The following BBS9 variants were observed in gnomAD, a reference collection of about 807,000 sequenced individuals.
BBS9 encodes the protein protein PTHB1.
BBS9 carries 89 observed loss-of-function variants against 117.7 expected under a neutral mutation model. The ratio of observed to expected loss-of-function variants is 0.76; its 90% confidence interval spans 0.64 to 0.90. The LOEUF (loss-of-function observed/expected upper bound fraction) is 0.90. Ranked by LOEUF, BBS9 falls within the 40% of genes least tolerant of loss-of-function variation. The probability of loss-of-function intolerance (pLI) is 0.00; values close to 1 mark genes in which losing one functional copy is unlikely to be tolerated. For synonymous variants in BBS9, 379 were observed against 370.9 expected, an observed-to-expected ratio of 1.02 and a Z score of -0.25; for missense variants, 982 against 1,042.2, an observed-to-expected ratio of 0.94 and a Z score of 0.80.
intron 9 of BBS9, among the ~76,000 whole-genome samples, chr7:33,316,023 T>C (rs1248137032): frequency 6.6e-6 from 1 of 152,140 alleles, no homozygotes; most frequent in African/African-American, 2.4e-5. Context: ...TTTTGACAAA[T>C]GGTTGTATCT....
chr7:33,406,549 G>C (rs1830031749), intron 19 of BBS9, among the ~76,000 whole-genome samples: 1 of 151,986 alleles, frequency 6.6e-6, no homozygotes. Flanking sequence ...TTACATTTTG[G>C]CATGATTTTG....
Position 33,155,769 on chromosome 7 carries a change from A to G in BBS9, c.328+67A>G, listed in dbSNP as rs1450937048. The G allele has an allele frequency of 6.5e-6, 6 of 922,752 alleles. 1 individual carries two copies. The African/African-American group carries it at 6.5e-5, about 10-fold the overall frequency. 57.2% of individuals were successfully genotyped at this position (922,752 alleles called of 1,614,324 possible). On this transcript the variant is annotated intron_variant, in intron 4 of 22. Transcript: ENST00000242067. The stretch of plus-strand genomic sequence containing the variant: ...TGGGCTTAATGTTATATGAGAATAG[A>G]TATTCCCTAGTGCTGACTTGGTAGA...
In BBS9 at chr7:33,177,621, T is replaced by C. The variant is rs369955057; in HGVS notation, c.442+30T>C. 2,194 of 1,395,356 alleles carry C rather than the reference T, an allele frequency of 1.6e-3. 14 individuals carry two copies. Among genetic ancestry groups the C allele is most frequent in the Middle Eastern group, 5.4e-3 (30 of 5,536 alleles). 86.4% of individuals were successfully genotyped at this position (1,395,356 alleles called of 1,614,324 possible). Reference sequence around the variant, plus strand: ...TTTGCTTTTAATCATGAGTATGCTATTTCAAGTGACAGATTTAGAATATTT... The same window carrying C: ...TTTGCTTTTAATCATGAGTATGCTACTTCAAGTGACAGATTTAGAATATTT... On this transcript the variant is annotated intron_variant, in intron 5 of 22. Transcript: ENST00000242067.
At position 33,383,457 on chromosome 7, in the gene BBS9, C is replaced by T. The variant is rs535914583; in HGVS notation, c.1790-209C>T. ...CTTTACACTTTGCCACTGTGACCAC[C>T]TACCTTTGGAATTAGATTTGAAAGT... On this transcript the variant is annotated intron_variant, in intron 17 of 22. Coordinates refer to ENST00000242067, the MANE Select transcript of BBS9 (RefSeq NM_198428.3). Among the ~76,000 whole-genome samples the T allele has an allele frequency of 2.6e-5, 4 of 152,266 alleles. No individual in the cohort carries two copies. The South Asian group carries it at 8.3e-4, about 32-fold the overall frequency.
intron 13 of BBS9, 82 bp downstream of exon 13, chr7:33,349,252 T>G (rs1250169314): frequency 2.1e-6 from 2 of 969,898 alleles, no homozygotes; most frequent in Non-Finnish European, 3.3e-6. Flanking sequence ...TGGCTATTAT[T>G]TCATGTCTGA....
intron 21 of BBS9, among the ~76,000 whole-genome samples, chr7:33,564,915 A>G (rs1352634803): frequency 6.6e-6 from 1 of 152,206 alleles, no homozygotes; most frequent in African/African-American, 2.4e-5. Flanking sequence ...CCCTGGCTGT[A>G]GAACTGCAGT....
At chr7:33,256,205 A>G (rs1404376258) in intron 5 of BBS9, among the ~76,000 whole-genome samples, 1 of 152,126 alleles carries the variant, frequency 6.6e-6, no homozygotes. Flanking sequence ...ACAAAAACAA[A>G]GCTTAAAACA....
In BBS9 at chr7:33,425,503, C is replaced by T. The variant is rs1212956753; in HGVS notation, c.2115+37359C>T. On this transcript the variant is annotated intron_variant, in intron 19 of 22. Coordinates refer to ENST00000242067, the MANE Select transcript of BBS9 (RefSeq NM_198428.3). The stretch of plus-strand genomic sequence containing the variant: ...CTGTATTTCCTAATGCTCTCCCTCC[C>T]CCACAGCCCCCTCCAGAGGCCCCAG... Among the ~76,000 whole-genome samples the T allele has an allele frequency of 2.0e-5, 3 of 152,284 alleles. No homozygotes were observed. The East Asian group carries it at 5.8e-4, about 29-fold the overall frequency.
downstream of BBS9, among the ~76,000 whole-genome samples, chr7:33,606,855 G>A (rs774615450): frequency 3.3e-4 from 50 of 151,972 alleles, no homozygotes; most frequent in South Asian, 6.2e-4. Context: ...TATTCTCCTC[G>A]TTTTTGTCTT....
chr7:33,198,334 T>C (rs1785267057), intron 5 of BBS9, among the ~76,000 whole-genome samples: 1 of 152,032 alleles, frequency 6.6e-6, no homozygotes, highest in African/African-American at 2.4e-5. Context: ...TTAAGTCCTA[T>C]ATAGTTCATT....
At chr7:33,353,659 T>C (rs1382918267) in intron 15 of BBS9, among the ~76,000 whole-genome samples, 3 of 152,044 alleles carry the variant, frequency 2.0e-5, no homozygotes, top group African/African-American at 7.2e-5. Flanking sequence ...TTAAGATACA[T>C]TTTAGATAGC....
At chr7:33,193,663 G>A (rs564826166) in intron 5 of BBS9, among the ~76,000 whole-genome samples, 14 of 152,102 alleles carry the variant, frequency 9.2e-5, no homozygotes, top group Non-Finnish European at 1.9e-4. Context: ...CTATCTAGGG[G>A]CAGTGGAGAA....
In BBS9 at chr7:33,371,788, T is replaced by C. The variant is rs535083800; in HGVS notation, c.1789+3926T>C. Among the ~76,000 whole-genome samples the C allele has an allele frequency of 2.0e-5, 3 of 152,244 alleles. No individual in the cohort carries two copies. The East Asian group carries it at 5.8e-4, about 29-fold the overall frequency. On this transcript the variant is annotated intron_variant, in intron 17 of 22. Coordinates refer to ENST00000242067, the MANE Select transcript of BBS9 (RefSeq NM_198428.3). ...CATGAGGGAAATAGGCATTGTGGAA[T>C]TTCCATCTAGAGTTTGAGATCCTAC...
In BBS9 at chr7:33,544,360, C is replaced by T. The variant is rs139783445; in HGVS notation, c.2521+10184C>T. Among the ~76,000 whole-genome samples, 987 of 152,256 alleles carry T rather than the reference C, an allele frequency of 6.5e-3. 11 individuals carry two copies. Among genetic ancestry groups the T allele is most frequent in the African/African-American group, 0.023 (939 of 41,548 alleles). On this transcript the variant is annotated intron_variant, in intron 21 of 22. Transcript: ENST00000242067. ...AGGTCTATGGCTGAAAGCTGTTGTT[C>T]AGATTCTTTTGTCCCATGGGGTGTT... is the stretch of plus-strand genomic sequence containing the variant.
chr7:33,478,758 T>C (rs1842127551), intron 19 of BBS9, among the ~76,000 whole-genome samples: 1 of 152,084 alleles, frequency 6.6e-6, no homozygotes, highest in African/African-American at 2.4e-5. Context: ...TAGAGCCAGA[T>C]ATTTTATTTT....
chr7:33,485,113 G>T (rs1255513395), intron 19 of BBS9, among the ~76,000 whole-genome samples: 1 of 152,072 alleles, frequency 6.6e-6, no homozygotes, highest in African/African-American at 2.4e-5. Context: ...TGGACACATT[G>T]TTGGGGGGCA....
intron 21 of BBS9, among the ~76,000 whole-genome samples, chr7:33,555,318 A>C (rs1855125530): frequency 6.6e-6 from 1 of 152,134 alleles, no homozygotes; most frequent in African/African-American, 2.4e-5. Flanking sequence ...ACTTAACTAC[A>C]TTTAGGTCAA....
intron 5 of BBS9, among the ~76,000 whole-genome samples, chr7:33,231,434 T>TTTTC (rs1222298167): frequency 6.6e-6 from 1 of 150,606 alleles, no homozygotes; most frequent in Non-Finnish European, 1.5e-5. Flanking sequence ...GTGTCTTTTT[T>TTTTC]TTTTTTTTTT....
Position 33,130,707 on chromosome 7 carries a change from G to T in BBS9, c.-12+666G>T, listed in dbSNP as rs971497506. On this transcript the variant is annotated intron_variant, in intron 1 of 22. Coordinates refer to ENST00000242067, the MANE Select transcript of BBS9 (RefSeq NM_198428.3). ...ATTTTATAAAGAAAACAATTACTGA[G>T]ATTTTTTTCATGAATATACGGAAGA... is the stretch of plus-strand genomic sequence containing the variant. 3.3e-5 allele frequency among the ~76,000 whole-genome samples: 5 copies of T among 151,818 alleles called. No individual in the cohort carries two copies. In the East Asian group the frequency reaches 9.7e-4, roughly 30 times the overall value.
Sources: allele counts gnomAD v4.1 joint callset (sites outside exome capture counted in the v4.1 genomes callset), GRCh38; gene constraint gnomAD v4.1.1; transcripts MANE v1.5; gene names NCBI Gene and HGNC (gene_info 2026-07-23, HGNC 2026-07-21).